The following SHB variants were observed in gnomAD, a reference collection of about 807,000 sequenced individuals.
SHB encodes the protein SH2 domain-containing adapter protein B.
A neutral mutation model predicts 52.3 loss-of-function variants in SHB; 20 were observed. The observed-to-expected ratio is 0.38, with a 90% CI of 0.27 to 0.56. SHB has a LOEUF of 0.56. SHB is among the 20% of genes least tolerant of loss of function. SHB has a pLI of 0.71. For missense variants in SHB, 825 were observed against 723.3 expected, an observed-to-expected ratio of 1.14 and a Z score of -1.61; for synonymous variants, 397 against 316.5, an observed-to-expected ratio of 1.25 and a Z score of -2.70.
chr9:37,959,081 A>C (rs1359008623), intron 3 of SHB, among the ~76,000 whole-genome samples: 1 of 152,092 alleles, frequency 6.6e-6, no homozygotes, highest in African/African-American at 2.4e-5. Flanking sequence ...GTGCTGGTGG[A>C]GGGTGGGTTT....
chr9:38,007,440 G>A (rs943409275), intron 2 of SHB, among the ~76,000 whole-genome samples: 11 of 152,220 alleles, frequency 7.2e-5, no homozygotes, highest in African/African-American at 1.2e-4. Flanking sequence ...GCAGTCCGCC[G>A]GCTGCGGAGA....
chr9:37,965,600 G>A (rs1406809875), intron 3 of SHB, among the ~76,000 whole-genome samples: 1 of 145,308 alleles, frequency 6.9e-6, no homozygotes, highest in Non-Finnish European at 1.5e-5. Flanking sequence ...TTCTCGAGAC[G>A]GAGTCTCACT....
rs1417534196 is a variant in SHB, at chr9:37,916,500, A to G, written c.*3321T>C. 6.6e-6 allele frequency among the ~76,000 whole-genome samples: 1 copy of G among 152,242 alleles called. No homozygotes were observed. The stretch of plus-strand genomic sequence containing the variant: ...GGGGCCGCTGGTTCTGGGAATGGGC[A>G]GAGGGAGCCTGCAGCTCCACCCTGT... On this transcript the variant is annotated 3_prime_UTR_variant, in exon 6 of 6. Coordinates refer to ENST00000377707, the MANE Select transcript of SHB (RefSeq NM_003028.3).
Position 37,966,590 on chromosome 9 carries a change from T to C in SHB, c.1054+8032A>G, listed in dbSNP as rs1260406954. On this transcript the variant is annotated intron_variant, in intron 3 of 5. Coordinates refer to ENST00000377707, the MANE Select transcript of SHB (RefSeq NM_003028.3). ...TTAATTACAACTGTTACTCATTACA[T>C]AGCAAAAAGCATTTGGTACCAACAC... 2.6e-5 allele frequency among the ~76,000 whole-genome samples: 4 copies of C among 152,204 alleles called. No individual in the cohort carries two copies. The South Asian group carries it at 6.2e-4, about 24-fold the overall frequency.
chr9:37,994,359 A>C (rs1369990731), intron 2 of SHB, among the ~76,000 whole-genome samples: 1 of 152,224 alleles, frequency 6.6e-6, no homozygotes, highest in East Asian at 1.9e-4. Context: ...CCCATCCCTC[A>C]TTCCAACTTG....
chr9:38,050,222 A>G (rs1009289918), intron 1 of SHB, among the ~76,000 whole-genome samples: 1 of 145,934 alleles, frequency 6.9e-6, no homozygotes, highest in Non-Finnish European at 1.5e-5. Flanking sequence ...GGGAAATGTC[A>G]CAGTCCTTCA....
chr9:37,978,311 A>T (rs1041410750), intron 2 of SHB, among the ~76,000 whole-genome samples: 2 of 152,252 alleles, frequency 1.3e-5, no homozygotes, highest in Non-Finnish European at 2.9e-5. Flanking sequence ...AAGCTGGACT[A>T]GTAATGGCAT....
chr9:37,921,333 C>A (rs1334350704), intron 5 of SHB, among the ~76,000 whole-genome samples: 1 of 152,206 alleles, frequency 6.6e-6, no homozygotes, highest in Non-Finnish European at 1.5e-5. Context: ...GTCGCTCCCA[C>A]AGGGGCTCTC....
At chr9:37,993,986 G>A (rs1226992330) in intron 2 of SHB, among the ~76,000 whole-genome samples, 2 of 152,200 alleles carry the variant, frequency 1.3e-5, no homozygotes, top group African/African-American at 4.8e-5. Context: ...CAGAAGCCTG[G>A]CCCCAGCTGC....
intron 1 of SHB, among the ~76,000 whole-genome samples, chr9:38,062,475 A>T (rs775591407): frequency 1.5e-4 from 23 of 152,220 alleles, no homozygotes; most frequent in Non-Finnish European, 3.2e-4. Flanking sequence ...TCACCATGCC[A>T]GTTTCCAACC....
chr9:37,917,218 G>GA lies in SHB; in HGVS notation c.*2602dup, dbSNP rs1303285180. Among the ~76,000 whole-genome samples the GA allele has an allele frequency of 6.6e-6, 1 of 152,126 alleles. No homozygotes were observed. The highest frequency in any genetic ancestry group is 1.5e-5 in the Non-Finnish European group (1 of 68,024). ...GAGGGAGAGGTTCATAAAATTAAGG[G>GA]AAAAAAATTCTTTTCAGCAGCTCCC... On this transcript the variant is annotated 3_prime_UTR_variant, in exon 6 of 6. Transcript: ENST00000377707.
intron 2 of SHB, among the ~76,000 whole-genome samples, chr9:37,984,888 G>C (rs1820784752): frequency 6.6e-6 from 1 of 152,146 alleles, no homozygotes; most frequent in African/African-American, 2.4e-5. Context: ...AGGGTGAGTG[G>C]CATGGAAGAG....
chr9:38,006,926 T>C (rs572113881), intron 2 of SHB, among the ~76,000 whole-genome samples: 1 of 152,232 alleles, frequency 6.6e-6, no homozygotes, highest in South Asian at 2.1e-4. Flanking sequence ...GGGACAAGTC[T>C]CCACTCAGCT....
chr9:37,940,411 G>GTTTGAGGAGTCTCTGTTTTGCC (rs1208541455), intron 5 of SHB, among the ~76,000 whole-genome samples: 2 of 152,244 alleles, frequency 1.3e-5, no homozygotes, highest in Non-Finnish European at 2.9e-5. Context: ...TGCAAAGAGT[G>GTTTGAGGAGTCTCTGTTTTGCC]TTTGAGGAGT....
chr9:38,068,075 C>A lies in SHB; in HGVS notation c.571G>T (p.Ala191Ser). Residue 191 changes from alanine (A) to serine (S), a missense_variant, in exon 1 of 6, where the codon GCC becomes TCC. Ala to Ser is a moderately conservative substitution (Grantham distance 99, BLOSUM62 1). Transcript: ENST00000377707. ...GGGTCCCCGGCCCCACCGCCCGCGG[C>A]GCTCTCCACTTTGATGAGGCGGTGC... ...PKHRLIKVESAAGGGAGDPLG... is the reference protein window; with the variant it reads ...PKHRLIKVESSAGGGAGDPLG... The A allele has an allele frequency of 6.7e-7, 1 of 1,492,546 alleles. No individual in the cohort carries two copies. Among genetic ancestry groups the A allele is most frequent in the Non-Finnish European group, 8.8e-7 (1 of 1,131,484 alleles). The allele number at this position is 1,492,546 out of a possible 1,614,324, so 92.5% of individuals were successfully genotyped here. A position where few individuals can be genotyped will look rare whatever the true frequency, so the allele number is the denominator to read the frequency against.
chr9:38,045,220 G>A (rs1417352464), intron 1 of SHB, among the ~76,000 whole-genome samples: 1 of 152,218 alleles, frequency 6.6e-6, no homozygotes, highest in Non-Finnish European at 1.5e-5. Context: ...ACTTTTGGAA[G>A]ACAGAAGATA....
intron 2 of SHB, among the ~76,000 whole-genome samples, chr9:38,000,142 C>T (rs1820993903): frequency 6.6e-6 from 1 of 152,186 alleles, no homozygotes; most frequent in Non-Finnish European, 1.5e-5. Flanking sequence ...CTCCCACAGG[C>T]AGTGGAGAGA....
intron 1 of SHB, among the ~76,000 whole-genome samples, chr9:38,052,602 C>T (rs1351036240): frequency 6.6e-6 from 1 of 152,204 alleles, no homozygotes; most frequent in Non-Finnish European, 1.5e-5. Flanking sequence ...CATTCCATGT[C>T]CTCCTAACTG....
At chr9:38,003,665 G>A (rs2381773) in intron 2 of SHB, among the ~76,000 whole-genome samples, 47 of 151,718 alleles carry the variant, frequency 3.1e-4, no homozygotes, top group African/African-American at 1.1e-3. Flanking sequence ...GCATGGGGCC[G>A]GGCTGCCCCT....
Sources: allele counts gnomAD v4.1 joint callset (sites outside exome capture counted in the v4.1 genomes callset), GRCh38; gene constraint gnomAD v4.1.1; transcripts MANE v1.5; gene names NCBI Gene and HGNC (gene_info 2026-07-23, HGNC 2026-07-21).